Variants in RGPD3 observed in about 807,000 individuals in gnomAD.
RGPD3 encodes RANBP2 like and GRIP domain containing 3.
A neutral mutation model predicts 154.5 loss-of-function variants in RGPD3; 62 were observed. That is an observed-to-expected ratio of 0.40 (90% confidence interval 0.33 to 0.50). The LOEUF (loss-of-function observed/expected upper bound fraction) is 0.50, where lower values mean the gene tolerates loss of function less well. Among genes scored for constraint, RGPD3 ranks in the 20% least tolerant of loss-of-function variants. The pLI is 0.59. For synonymous variants in RGPD3, 308 were observed against 607.0 expected, an observed-to-expected ratio of 0.51 and a Z score of 7.24; for missense variants, 919 against 1,716.8, an observed-to-expected ratio of 0.54 and a Z score of 8.21.
At chr2:106,446,284 A>T (rs1361535740) in intron 7 of RGPD3, among the ~76,000 whole-genome samples, 1 of 144,478 alleles carries the variant, frequency 6.9e-6, no homozygotes, top group African/African-American at 2.5e-5. Context: ...AAAAAAAAAA[A>T]GGCTGGGCAT....
At chr2:106,434,170 A>G (rs1677463820) in intron 15 of RGPD3, 58 bp downstream of exon 15, 1 of 1,595,558 alleles carries the variant, frequency 6.3e-7, no homozygotes, top group Non-Finnish European at 8.6e-7. Context: ...AGACCAACGC[A>G]AAAACACTGA....
intron 22 of RGPD3, among the ~76,000 whole-genome samples, chr2:106,410,678 A>C (rs1676643024): frequency 6.6e-6 from 1 of 152,094 alleles, no homozygotes; most frequent in Admixed American, 6.5e-5. Flanking sequence ...TAATTTTGAG[A>C]TTTCTGTCTT....
chr2:106,433,925 TATA>T (rs1350487325), intron 15 of RGPD3, among the ~76,000 whole-genome samples: 48 of 71,222 alleles, frequency 6.7e-4, no homozygotes, highest in African/African-American at 1.9e-3. Context: ...GTCCTGAGGT[TATA>T]ATATTTGTTT....
chr2:106,462,336 T>G (rs1471805859), intron 1 of RGPD3, among the ~76,000 whole-genome samples: 1 of 151,108 alleles, frequency 6.6e-6, no homozygotes, highest in Non-Finnish European at 1.5e-5. Flanking sequence ...TTCTGTATGA[T>G]CTTTTGCCTC....
intron 1 of RGPD3, among the ~76,000 whole-genome samples, chr2:106,467,433 C>T (rs1426568469): frequency 1.1e-5 from 1 of 87,224 alleles, no homozygotes; most frequent in African/African-American, 4.6e-5. Context: ...AGGCCGCCGC[C>T]GGGCCGGGTC....
In RGPD3 at chr2:106,424,631, A is replaced by G. The variant is rs567557657; in HGVS notation, c.3336T>C (p.His1112=). ...TCAGGTTCATTGTAGTCGTTATCCA[A>G]TGATTAGCACACACTTTTAGTACTT... is the stretch of plus-strand genomic sequence containing the variant. ...REQVLKVCAN[H]WITTTMNLKP... Residue 1112 remains histidine, a synonymous_variant, in exon 20 of 23, where the codon CAT becomes CAC. Coordinates refer to ENST00000409886, the MANE Select transcript of RGPD3 (RefSeq NM_001144013.2). 78 of 1,611,938 alleles carry G rather than the reference A, an allele frequency of 4.8e-5. 1 individual carries two copies. The African/African-American group carries it at 9.3e-4, about 19-fold the overall frequency.
chr2:106,415,697 A>AAAAAAAAAT (rs1491421236), intron 21 of RGPD3, among the ~76,000 whole-genome samples, 153 bp downstream of exon 21: 5 of 134,624 alleles, frequency 3.7e-5, no homozygotes, highest in African/African-American at 1.5e-4. Context: ...AAAAAAAAAA[A>AAAAAAAAAT]GGCAATATTT....
At chr2:106,470,342 G>A (rs1186758096), upstream of RGPD3, among the ~76,000 whole-genome samples, 1 of 152,186 alleles carries the variant, frequency 6.6e-6, no homozygotes, top group Non-Finnish European at 1.5e-5. Context: ...GTTTCTCCTT[G>A]CCCTGAATGC....
chr2:106,418,814 C>T (rs80339274), intron 20 of RGPD3, among the ~76,000 whole-genome samples: 2 of 149,614 alleles, frequency 1.3e-5, no homozygotes, highest in Admixed American at 1.3e-4. Context: ...GTGATCCACC[C>T]GCCTTGGCCT....
rs924792528 is a variant in RGPD3, at chr2:106,424,499, C to T, written c.3468G>A (p.Leu1156=). The T allele has an allele frequency of 1.2e-6, 2 of 1,606,628 alleles. No individual in the cohort carries two copies. The highest frequency in any genetic ancestry group is 2.7e-5 in the African/African-American group (2 of 74,402). Residue 1156 remains leucine, a synonymous_variant, in exon 20 of 23, where the codon CTG becomes CTA. Transcript: ENST00000409886. ...CAAATTTCTGCTTGAATTCTTCAGC[C>T]AGCTCTGGTGTTTTAAATTTTGCTG... ...RLAAKFKTPE[L]AEEFKQKFEE... is the part of the protein sequence containing the mutation.
chr2:106,440,381 T>G (rs1344787698), intron 8 of RGPD3, among the ~76,000 whole-genome samples: 1 of 151,062 alleles, frequency 6.6e-6, no homozygotes, highest in Non-Finnish European at 1.5e-5. Context: ...CTCAGCACAC[T>G]TACAGAGGCA....
At chr2:106,421,745 C>T (rs922884315) in intron 20 of RGPD3, among the ~76,000 whole-genome samples, 6 of 151,772 alleles carry the variant, frequency 4.0e-5, no homozygotes, top group African/African-American at 1.5e-4. Flanking sequence ...ATACTGTATA[C>T]ATGCCGTTGC....
Position 106,441,343 on chromosome 2 carries a change from G to C in RGPD3, c.1016C>G (p.Ala339Gly), listed in dbSNP as rs768335532. 9.0e-6 allele frequency: 14 copies of C among 1,563,474 alleles called. No individual in the cohort carries two copies. The highest frequency in any genetic ancestry group is 8.7e-7 in the Non-Finnish European group (1 of 1,155,692). Residue 339 changes from alanine (A) to glycine (G), a missense_variant, in exon 8 of 23, where the codon GCT (alanine) becomes GGT (glycine). Transcript: ENST00000409886. The stretch of plus-strand genomic sequence containing the variant: ...CATCATTTCCAGCAGATTTTGTCCA[G>C]CTTCACCTTTTATTAATTTAATCTT... ...RPKIKLIKGE[A>G]GQNLLEMMAC...
At chr2:106,408,697 G>C (rs1323646938) in intron 22 of RGPD3, among the ~76,000 whole-genome samples, 2 of 151,094 alleles carry the variant, frequency 1.3e-5, no homozygotes, top group Non-Finnish European at 2.9e-5. Flanking sequence ...TTTAAAGATG[G>C]GGTTTTACTC....
intron 18 of RGPD3, among the ~76,000 whole-genome samples, chr2:106,428,600 G>T (rs1191115033): frequency 6.6e-6 from 1 of 151,616 alleles, no homozygotes; most frequent in Non-Finnish European, 1.5e-5. Context: ...CAAAAGGCTA[G>T]TGGGGTTGCC....
At chr2:106,464,703 G>A (rs1678513226) in intron 1 of RGPD3, among the ~76,000 whole-genome samples, 1 of 151,992 alleles carries the variant, frequency 6.6e-6, no homozygotes, top group Non-Finnish European at 1.5e-5. Context: ...AGAAAAACTA[G>A]AGAAAAAATT....
rs6543412 is a variant in RGPD3, at chr2:106,437,403, A to T, written c.1277-549T>A. On this transcript the variant is annotated intron_variant, in intron 9 of 22. Transcript: ENST00000409886. ...GTCACGTGCCTATAGTCCCAGCTAC[A>T]TGGGAGGCTGAGGCAAGACAATTGC... Among the ~76,000 whole-genome samples the T allele has an allele frequency of 2.1e-5, 3 of 145,430 alleles. 1 individual carries two copies. Among genetic ancestry groups the T allele is most frequent in the Admixed American group, 6.9e-5 (1 of 14,568 alleles).
intron 1 of RGPD3, among the ~76,000 whole-genome samples, chr2:106,467,616 GC>G (rs1426980050): frequency 6.9e-6 from 1 of 144,624 alleles, no homozygotes; most frequent in African/African-American, 2.6e-5. Context: ...CAGCCGCCGG[GC>G]CGGGTCGAGG....
intron 7 of RGPD3, among the ~76,000 whole-genome samples, chr2:106,446,957 CA>C (rs1677958804): frequency 7.7e-6 from 1 of 130,548 alleles, no homozygotes; most frequent in African/African-American, 2.9e-5. Flanking sequence ...TACATATACA[CA>C]ATACAGTCAT....
Sources: allele counts gnomAD v4.1 joint callset (sites outside exome capture counted in the v4.1 genomes callset), GRCh38; gene constraint gnomAD v4.1.1; transcripts MANE v1.5; gene names NCBI Gene and HGNC (gene_info 2026-07-23, HGNC 2026-07-21).